Variants in KCNU1 observed in about 807,000 individuals in gnomAD.
The protein encoded by KCNU1 is potassium channel subfamily U member 1.
A neutral mutation model predicts 126.8 loss-of-function variants in KCNU1; 93 were observed. The observed-to-expected ratio is 0.73, with a 90% CI of 0.62 to 0.87. KCNU1 has a LOEUF of 0.87. Among genes scored for constraint, KCNU1 ranks in the 40% least tolerant of loss-of-function variants. The pLI is 0.00. For synonymous variants in KCNU1, 523 were observed against 494.2 expected, an observed-to-expected ratio of 1.06 and a Z score of -0.77; for missense variants, 1,330 against 1,367.1, an observed-to-expected ratio of 0.97 and a Z score of 0.43.
In KCNU1 at chr8:36,825,219, A is replaced by AG. The variant is rs1804275054; in HGVS notation, c.1106+7459_1106+7460insG. Among the ~76,000 whole-genome samples, 4 of 152,154 alleles carry AG rather than the reference A, an allele frequency of 2.6e-5. No homozygotes were observed. In the South Asian group the frequency reaches 8.3e-4, roughly 32 times the overall value. On this transcript the variant is annotated intron_variant, in intron 10 of 26. Transcript: ENST00000399881. ...GGTACTTCTTGTGGTTTTAATTAAC[A>AG]TTTTCCTCATTACTAGTGAGGCCAA... is the stretch of plus-strand genomic sequence containing the variant.
At chr8:36,800,975 A>G (rs535809578) in intron 2 of KCNU1, among the ~76,000 whole-genome samples, 1 of 152,328 alleles carries the variant, frequency 6.6e-6, no homozygotes, top group Admixed American at 6.5e-5. Flanking sequence ...GTATGTTGAG[A>G]TGGATTTTTC....
chr8:36,884,472 A>G lies in KCNU1; in HGVS notation c.2009+19951A>G, dbSNP rs146757865. Among the ~76,000 whole-genome samples, 700 of 152,324 alleles carry G rather than the reference A, an allele frequency of 4.6e-3. 6 individuals carry two copies. Among genetic ancestry groups the G allele is most frequent in the Admixed American group, 0.011 (163 of 15,302 alleles). On this transcript the variant is annotated intron_variant, in intron 19 of 26. Transcript: ENST00000399881. ...AACCAGTAGCCGGGCGCGGTGGCTC[A>G]TGCCTGTAATCCCAGCACTTTGGGA...
intron 7 of KCNU1, among the ~76,000 whole-genome samples, chr8:36,809,123 G>A (rs1308403227): frequency 6.6e-6 from 1 of 152,058 alleles, no homozygotes; most frequent in African/African-American, 2.4e-5. Flanking sequence ...AAAAGTGAAG[G>A]AAATGAAGCC....
chr8:36,844,798 A>G (rs1041942891), intron 16 of KCNU1, among the ~76,000 whole-genome samples: 2 of 152,214 alleles, frequency 1.3e-5, no homozygotes, highest in African/African-American at 4.8e-5. Flanking sequence ...GTTCTGCAAA[A>G]AAGAAGTGAG....
intron 24 of KCNU1, chr8:36,928,884 C>G (rs62488560): frequency 0.013 from 7,854 of 604,010 alleles, 73 homozygotes; most frequent in Non-Finnish European, 0.017. Context: ...ATTCCCATTC[C>G]TGTCCATATA....
chr8:36,918,159 G>T (rs1808191724), intron 22 of KCNU1, among the ~76,000 whole-genome samples: 1 of 152,194 alleles, frequency 6.6e-6, no homozygotes, highest in Admixed American at 6.5e-5. Flanking sequence ...CCACTCAGTG[G>T]AGAGTAAGCA....
At chr8:36,934,229 A>G (rs1386583980) in intron 26 of KCNU1, among the ~76,000 whole-genome samples, 2 of 152,156 alleles carry the variant, frequency 1.3e-5, no homozygotes, top group African/African-American at 4.8e-5. Flanking sequence ...TGGAAGTCAT[A>G]GCAATACGTC....
chr8:36,791,711 A>G (rs777787329), intron 2 of KCNU1, among the ~76,000 whole-genome samples: 18 of 152,094 alleles, frequency 1.2e-4, no homozygotes, highest in Non-Finnish European at 2.2e-4. Flanking sequence ...TAAATTACTT[A>G]TTTTGCTGTT....
chr8:36,866,574 C>T (rs571415734), intron 19 of KCNU1, among the ~76,000 whole-genome samples: 1 of 152,218 alleles, frequency 6.6e-6, no homozygotes, highest in South Asian at 2.1e-4. Context: ...TTTCCAACAA[C>T]AAAACAGTCA....
chr8:36,816,389 T>G (rs548249074), intron 9 of KCNU1, among the ~76,000 whole-genome samples: 22 of 152,332 alleles, frequency 1.4e-4, no homozygotes, highest in Non-Finnish European at 3.1e-4. Flanking sequence ...TGTGATCCTT[T>G]TAAAAACTTA....
chr8:36,890,248 AT>A (rs553823905), intron 19 of KCNU1, among the ~76,000 whole-genome samples: 48 of 152,058 alleles, frequency 3.2e-4, no homozygotes, highest in South Asian at 1.5e-3. Flanking sequence ...AAATGAATTA[AT>A]TTTTTTTATT....
intron 22 of KCNU1, among the ~76,000 whole-genome samples, chr8:36,916,350 AAAAG>A (rs1190619477): frequency 6.7e-6 from 1 of 149,204 alleles, no homozygotes; most frequent in Non-Finnish European, 1.5e-5. Context: ...GGAAAGGAAG[AAAAG>A]AAGGAAGGAA....
intron 22 of KCNU1, among the ~76,000 whole-genome samples, chr8:36,917,423 C>T (rs1202318199): frequency 6.6e-6 from 1 of 151,444 alleles, no homozygotes; most frequent in Non-Finnish European, 1.5e-5. Context: ...GATGGCGGCT[C>T]ACCGTAAGCT....
At chr8:36,849,220 CAA>C (rs146404976) in intron 18 of KCNU1, among the ~76,000 whole-genome samples, 1 of 151,596 alleles carries the variant, frequency 6.6e-6, no homozygotes, top group African/African-American at 2.4e-5. Context: ...AAACGAAAAA[CAA>C]AAAAAAGGAT....
intron 20 of KCNU1, among the ~76,000 whole-genome samples, chr8:36,907,090 C>T (rs1807661554): frequency 6.6e-6 from 1 of 152,094 alleles, no homozygotes; most frequent in Non-Finnish European, 1.5e-5. Context: ...AGAATACCAA[C>T]CAGGTCTTTT....
At chr8:36,819,593 T>G (rs1272256119) in intron 10 of KCNU1, among the ~76,000 whole-genome samples, 1 of 152,198 alleles carries the variant, frequency 6.6e-6, no homozygotes, top group Non-Finnish European at 1.5e-5. Context: ...GGCCACTTTA[T>G]TTGTTTGTTC....
chr8:36,855,785 T>C (rs922212707), intron 18 of KCNU1, among the ~76,000 whole-genome samples: 3 of 152,120 alleles, frequency 2.0e-5, no homozygotes, highest in African/African-American at 7.2e-5. Flanking sequence ...TGGTATCTTG[T>C]CTTCATTTTT....
At chr8:36,911,864 C>G (rs1282920905) in intron 22 of KCNU1, among the ~76,000 whole-genome samples, 2 of 152,158 alleles carry the variant, frequency 1.3e-5, no homozygotes, top group Non-Finnish European at 2.9e-5. Context: ...TGCCTATGGT[C>G]AATTCCCATG....
At chr8:36,849,521 G>A (rs1437328288) in intron 18 of KCNU1, among the ~76,000 whole-genome samples, 1 of 152,120 alleles carries the variant, frequency 6.6e-6, no homozygotes, top group African/African-American at 2.4e-5. Flanking sequence ...CCCAGGAGGT[G>A]CAGGTTGGCA....
Sources: gnomAD v4.1 joint callset for allele counts (sites outside exome capture counted in the v4.1 genomes callset) on GRCh38, gnomAD v4.1.1 for gene constraint, MANE v1.5 for transcripts, NCBI Gene and HGNC (gene_info 2026-07-23, HGNC 2026-07-21) for gene names.